The following TMTC1 variants were observed in gnomAD, a reference collection of about 807,000 sequenced individuals.
TMTC1 encodes transmembrane O-mannosyltransferase targeting cadherins 1.
Under a neutral mutation model 104.8 loss-of-function variants are expected in TMTC1, and 73 were observed. The ratio of observed to expected loss-of-function variants is 0.70; its 90% CI spans 0.58 to 0.85. The LOEUF is 0.85. TMTC1 is among the 40% of genes least tolerant of loss of function. The pLI is 0.00. For missense variants in TMTC1, 1,035 were observed against 1,096.1 expected (o/e 0.94, Z 0.79); for synonymous variants, 434 against 428.7 (o/e 1.01, Z -0.15).
At chr12:29,690,719 G>A (rs548808964) in intron 5 of TMTC1, among the ~76,000 whole-genome samples, 1 of 152,084 alleles carries the variant, frequency 6.6e-6, no homozygotes, top group Non-Finnish European at 1.5e-5. Context: ...TATTCTTTGT[G>A]TTTCACAAAA....
At chr12:29,701,287 C>A (rs1344755408) in intron 5 of TMTC1, among the ~76,000 whole-genome samples, 3 of 152,130 alleles carry the variant, frequency 2.0e-5, no homozygotes, top group Non-Finnish European at 4.4e-5. Flanking sequence ...CTTTTGGCCC[C>A]AGCTCCTGCA....
intron 8 of TMTC1, among the ~76,000 whole-genome samples, chr12:29,578,295 A>G (rs1490132468): frequency 6.6e-6 from 1 of 151,990 alleles, no homozygotes; most frequent in Non-Finnish European, 1.5e-5. Flanking sequence ...TTTTTCTGCT[A>G]TGTTTTTCTA....
chr12:29,533,617 G>T (rs940326059), intron 11 of TMTC1: 1 of 152,168 alleles, frequency 6.6e-6, no homozygotes, highest in African/African-American at 2.4e-5. Flanking sequence ...GGTCAACCTG[G>T]AAAGAAGGTT....
At chr12:29,613,297 CT>C (rs1946893643) in intron 6 of TMTC1, among the ~76,000 whole-genome samples, 1 of 152,174 alleles carries the variant, frequency 6.6e-6, no homozygotes, top group Admixed American at 6.5e-5. Context: ...ACACCCATGA[CT>C]TCAGTGGGAG....
At chr12:29,549,393 A>T (rs923352723) in intron 10 of TMTC1, among the ~76,000 whole-genome samples, 1 of 152,144 alleles carries the variant, frequency 6.6e-6, no homozygotes, top group South Asian at 2.1e-4. Context: ...GTGGAAACTT[A>T]CTGGAAGGAG....
intron 6 of TMTC1, among the ~76,000 whole-genome samples, chr12:29,622,615 A>G (rs1032364131): frequency 2.0e-5 from 3 of 152,250 alleles, no homozygotes; most frequent in African/African-American, 7.2e-5. Context: ...AATATCCTTT[A>G]ACTGTACATG....
intron 5 of TMTC1, among the ~76,000 whole-genome samples, chr12:29,738,721 T>C (rs1249515917): frequency 6.6e-6 from 1 of 152,108 alleles, no homozygotes. Flanking sequence ...ATAATAGAAA[T>C]GGATTGTCAA....
Position 29,506,641 on chromosome 12 carries a change from C to A in TMTC1, c.*205G>T. The stretch of plus-strand genomic sequence containing the variant: ...CTCCTTCCCTCTCAGACCTTCTTGC[C>A]CTTGTTTGCTGTTTTCGTCTTCTTC... On this transcript the variant is annotated 3_prime_UTR_variant, in exon 18 of 18. Transcript: ENST00000539277. 1 of 584,846 alleles carries A rather than the reference C, an allele frequency of 1.7e-6. No homozygotes were observed. Among genetic ancestry groups the A allele is most frequent in the Non-Finnish European group, 3.0e-6 (1 of 331,252 alleles). 36.2% of individuals were successfully genotyped at this position (584,846 alleles called of 1,614,324 possible). A position where few individuals can be genotyped will look rare whatever the true frequency, so the allele number is the denominator to read the frequency against.
At position 29,703,658 on chromosome 12, in the gene TMTC1, T is replaced by C. The variant is rs1941664341; in HGVS notation, c.938+48008A>G. ...CTAAAGTTACAGCAACTTATTCCAG[T>C]GAGAAGGACTGCAGACATCATCCAG... On this transcript the variant is annotated intron_variant, in intron 5 of 17. Transcript: ENST00000539277. Among the ~76,000 whole-genome samples, 3 of 152,328 alleles carry C rather than the reference T, an allele frequency of 2.0e-5. No individual in the cohort carries two copies. In the South Asian group the frequency reaches 6.2e-4, roughly 32 times the overall value.
At chr12:29,629,201 G>T (rs1284245754) in intron 6 of TMTC1, among the ~76,000 whole-genome samples, 3 of 151,806 alleles carry the variant, frequency 2.0e-5, no homozygotes, top group African/African-American at 7.3e-5. Flanking sequence ...GGCGCCTGTA[G>T]TCCCTGCTAC....
At chr12:29,652,864 C>A (rs146568228) in intron 5 of TMTC1, among the ~76,000 whole-genome samples, 4 of 152,134 alleles carry the variant, frequency 2.6e-5, no homozygotes, top group South Asian at 2.1e-4. Flanking sequence ...GAGTTCAACA[C>A]CAGCCTGACC....
intron 10 of TMTC1, among the ~76,000 whole-genome samples, chr12:29,550,419 C>T (rs145684156): frequency 9.9e-5 from 15 of 152,038 alleles, no homozygotes; most frequent in African/African-American, 3.1e-4. Context: ...GCACCTGTCA[C>T]GGAAGCTATG....
intron 9 of TMTC1, among the ~76,000 whole-genome samples, chr12:29,568,240 T>G (rs551892667): frequency 6.6e-6 from 1 of 152,246 alleles, no homozygotes. Context: ...AATACAAAAT[T>G]TAGTTACACC....
chr12:29,627,345 A>T (rs1938053832), intron 6 of TMTC1, among the ~76,000 whole-genome samples: 1 of 152,248 alleles, frequency 6.6e-6, no homozygotes, highest in South Asian at 2.1e-4. Flanking sequence ...GCCAATAAAC[A>T]TATGAAAGGA....
At chr12:29,743,042 C>T (rs1219630030) in intron 5 of TMTC1, among the ~76,000 whole-genome samples, 1 of 152,230 alleles carries the variant, frequency 6.6e-6, no homozygotes, top group Non-Finnish European at 1.5e-5. Flanking sequence ...CCTAGCACTA[C>T]CATTTATGAA....
chr12:29,738,658 T>C (rs1269819239), intron 5 of TMTC1, among the ~76,000 whole-genome samples: 1 of 152,222 alleles, frequency 6.6e-6, no homozygotes, highest in Non-Finnish European at 1.5e-5. Context: ...AAAAAAATGA[T>C]GATTTTAGTC....
intron 5 of TMTC1, among the ~76,000 whole-genome samples, chr12:29,738,627 CT>C (rs1239973704): frequency 6.6e-6 from 1 of 152,196 alleles, no homozygotes; most frequent in Non-Finnish European, 1.5e-5. Flanking sequence ...ACAACAGCTG[CT>C]TGGACACAAC....
chr12:29,502,589 C>T lies in TMTC1; in HGVS notation c.*4257G>A, dbSNP rs983112480. 2.0e-5 allele frequency: 3 copies of T among 152,180 alleles called. No individual in the cohort carries two copies. The highest frequency in any genetic ancestry group is 4.4e-5 in the Non-Finnish European group (3 of 68,026). 9.4% of individuals were successfully genotyped at this position (152,180 alleles called of 1,614,324 possible). A position where few individuals can be genotyped will look rare whatever the true frequency, so the allele number is the denominator to read the frequency against. ...AGGCCAAATTGCAGTCCAATTGCCA[C>T]AAGTGCAAAACCACCCCACATAACC... On this transcript the variant is annotated 3_prime_UTR_variant, in exon 18 of 18. Coordinates refer to ENST00000539277, the MANE Select transcript of TMTC1 (RefSeq NM_001193451.2).
chr12:29,674,962 T>C (rs975431546), intron 5 of TMTC1, among the ~76,000 whole-genome samples: 1 of 152,266 alleles, frequency 6.6e-6, no homozygotes, highest in African/African-American at 2.4e-5. Context: ...TTTAATCTAA[T>C]GTTTCCATTT....
Sources: gnomAD v4.1 joint callset for allele counts (sites outside exome capture counted in the v4.1 genomes callset) on GRCh38, gnomAD v4.1.1 for gene constraint, MANE v1.5 for transcripts, NCBI Gene and HGNC (gene_info 2026-07-23, HGNC 2026-07-21) for gene names.